Variants in IGSF11 observed in about 807,000 individuals in gnomAD.
The protein encoded by IGSF11 is immunoglobulin superfamily member 11.
IGSF11 carries 22 observed loss-of-function variants against 41.0 expected under a neutral mutation model. The observed-to-expected ratio is 0.54, with a 90% confidence interval of 0.38 to 0.77. The LOEUF (loss-of-function observed/expected upper bound fraction) is 0.77. IGSF11 is among the 30% of genes least tolerant of loss of function. The pLI is 0.00. For missense variants in IGSF11, 444 were observed against 530.8 expected (o/e 0.84, Z 1.61); for synonymous variants, 219 against 201.3 (o/e 1.09, Z -0.74).
intron 1 of IGSF11, among the ~76,000 whole-genome samples, chr3:119,100,862 A>T (rs1276944741): frequency 1.3e-5 from 2 of 152,236 alleles, no homozygotes; most frequent in Admixed American, 1.3e-4. Flanking sequence ...GTTCACAAAT[A>T]TGTAAATCGA....
intron 1 of IGSF11, among the ~76,000 whole-genome samples, chr3:119,032,482 A>G (rs970051529): frequency 2.0e-5 from 3 of 152,168 alleles, no homozygotes; most frequent in Non-Finnish European, 4.4e-5. Context: ...CCAGCCGAAT[A>G]AAGCCCAAAC....
intron 1 of IGSF11, among the ~76,000 whole-genome samples, chr3:119,113,799 G>A (rs554866425): frequency 1.3e-5 from 2 of 152,244 alleles, no homozygotes; most frequent in East Asian, 1.9e-4. Context: ...CCCTAGTAGA[G>A]GTTCTCCATG....
chr3:118,951,257 G>A (rs1944551025), intron 1 of IGSF11, among the ~76,000 whole-genome samples: 1 of 152,200 alleles, frequency 6.6e-6, no homozygotes, highest in Non-Finnish European at 1.5e-5. Context: ...CTTGATGCAT[G>A]TATACCTTAT....
chr3:118,994,365 G>A (rs1342062142), intron 1 of IGSF11, among the ~76,000 whole-genome samples: 2 of 152,162 alleles, frequency 1.3e-5, no homozygotes, highest in Non-Finnish European at 2.9e-5. Flanking sequence ...AAAGACAAAA[G>A]AAATAGTGGG....
chr3:119,001,921 G>A (rs76837155), intron 1 of IGSF11, among the ~76,000 whole-genome samples: 28 of 134,816 alleles, frequency 2.1e-4, no homozygotes, highest in Admixed American at 1.2e-3. Context: ...GAATAATGCC[G>A]CAATAAACAT....
At position 119,128,358 on chromosome 3, in the gene IGSF11, AAAAG is replaced by A. The variant is rs1199785926; in HGVS notation, c.-14+17451_-14+17454del. Among the ~76,000 whole-genome samples the A allele has an allele frequency of 2.6e-5, 4 of 152,092 alleles. No individual in the cohort carries two copies. The East Asian group carries it at 7.7e-4, about 29-fold the overall frequency. ...GGGTGAGAGTGAGAAAGAAAGAAAGAAAAGAAAGAAAGAGAGAGAGAAACAGAGA... is the reference window on the plus strand; with the variant it reads ...GGGTGAGAGTGAGAAAGAAAGAAAGAAAAGAAAGAGAGAGAGAAACAGAGA... On this transcript the variant is annotated intron_variant, in intron 1 of 7. Coordinates refer to the IGSF11 transcript ENST00000425327.
intron 1 of IGSF11, among the ~76,000 whole-genome samples, chr3:118,948,936 C>A (rs185604318): frequency 0.052 from 7,881 of 150,660 alleles, 330 homozygotes; most frequent in Admixed American, 0.15. Flanking sequence ...CGCGCCACTG[C>A]CCTCCAGCCT....
chr3:119,073,775 C>T (rs955975310), intron 1 of IGSF11, among the ~76,000 whole-genome samples: 27 of 152,184 alleles, frequency 1.8e-4, no homozygotes, highest in Admixed American at 9.8e-4. Context: ...TTTCCACCCA[C>T]GCCTCTCCCT....
chr3:119,121,843 C>G (rs1240286938), intron 1 of IGSF11, among the ~76,000 whole-genome samples: 1 of 151,990 alleles, frequency 6.6e-6, no homozygotes, highest in Non-Finnish European at 1.5e-5. Flanking sequence ...ACAAGGAATC[C>G]TCAACAAGAT....
intron 1 of IGSF11, among the ~76,000 whole-genome samples, chr3:119,141,560 C>G (rs2077648359): frequency 6.7e-6 from 1 of 149,218 alleles, no homozygotes; most frequent in African/African-American, 2.5e-5. Flanking sequence ...ACTCAAATAA[C>G]TAAAATAAGT....
At chr3:119,098,400 A>G (rs1174967324) in intron 1 of IGSF11, among the ~76,000 whole-genome samples, 1 of 152,172 alleles carries the variant, frequency 6.6e-6, no homozygotes, top group Non-Finnish European at 1.5e-5. Flanking sequence ...TATGTCTTAT[A>G]ACATATTTGC....
chr3:119,091,919 T>C (rs1209775244), intron 1 of IGSF11, among the ~76,000 whole-genome samples: 1 of 149,638 alleles, frequency 6.7e-6, no homozygotes, highest in Non-Finnish European at 1.5e-5. Flanking sequence ...ACTTACAGAG[T>C]AATAATATAA....
At chr3:118,928,291 T>C (rs534595185) in intron 3 of IGSF11, among the ~76,000 whole-genome samples, 2 of 152,242 alleles carry the variant, frequency 1.3e-5, no homozygotes, top group East Asian at 3.9e-4. Context: ...CAGAAGAAAG[T>C]CATTAAATAA....
chr3:119,041,601 AAG>A (rs1941120517), intron 1 of IGSF11, among the ~76,000 whole-genome samples: 1 of 152,192 alleles, frequency 6.6e-6, no homozygotes, highest in African/African-American at 2.4e-5. Context: ...AAAAATAAAA[AAG>A]AATAAAAAAG....
intron 1 of IGSF11, among the ~76,000 whole-genome samples, chr3:118,956,593 G>A (rs146269244): frequency 3.3e-5 from 5 of 152,206 alleles, no homozygotes; most frequent in East Asian, 1.9e-4. Context: ...TGGAGCAGTC[G>A]GAACACACAC....
chr3:119,133,285 T>A (rs1028622470), intron 1 of IGSF11, among the ~76,000 whole-genome samples: 3 of 152,096 alleles, frequency 2.0e-5, no homozygotes, highest in Non-Finnish European at 2.9e-5. Flanking sequence ...AGGAGCTGGT[T>A]TTTTGAAAAG....
intron 1 of IGSF11, among the ~76,000 whole-genome samples, chr3:119,007,701 C>G (rs1047525949): frequency 9.9e-5 from 15 of 152,262 alleles, no homozygotes; most frequent in South Asian, 2.1e-4. Context: ...CAACCTCTAC[C>G]AAGATCTTGT....
intron 4 of IGSF11, among the ~76,000 whole-genome samples, chr3:118,919,054 A>G (rs1341544349): frequency 7.4e-6 from 1 of 135,482 alleles, no homozygotes; most frequent in Non-Finnish European, 1.5e-5. Flanking sequence ...CTGGCTAGCC[A>G]TATGTAGAAA....
chr3:118,903,320 T>TTA (rs1486990563), intron 6 of IGSF11, among the ~76,000 whole-genome samples: 1 of 151,826 alleles, frequency 6.6e-6, no homozygotes, highest in Non-Finnish European at 1.5e-5. Flanking sequence ...AAATCTTGCT[T>TTA]TATATATATA....
Sources: allele counts gnomAD v4.1 joint callset (sites outside exome capture counted in the v4.1 genomes callset), GRCh38; gene constraint gnomAD v4.1.1; transcripts MANE v1.5; gene names NCBI Gene and HGNC (gene_info 2026-07-23, HGNC 2026-07-21).